Variants in SYNE1 observed in about 807,000 individuals in gnomAD.
SYNE1 encodes the protein nesprin-1.
A neutral mutation model predicts 1,111.0 loss-of-function variants in SYNE1; 616 were observed. The observed-to-expected ratio is 0.55, with a 90% CI of 0.52 to 0.59. The LOEUF is 0.59. SYNE1 is among the 20% of genes least tolerant of loss of function. The probability of loss-of-function intolerance (pLI) is 0.00; values close to 1 mark genes in which losing one functional copy is unlikely to be tolerated. For missense variants in SYNE1, 10,006 were observed against 10,417.0 expected, an observed-to-expected ratio of 0.96 and a Z score of 1.72; for synonymous variants, 3,855 against 3,825.8, an observed-to-expected ratio of 1.01 and a Z score of -0.28.
chr6:152,279,147 C>CTTTTTTTTTT (rs59520598), intron 97 of SYNE1, among the ~76,000 whole-genome samples: 347 of 112,368 alleles, frequency 3.1e-3, no homozygotes, highest in Middle Eastern at 5.6e-3. Context: ...CTTTTCTTTT[C>CTTTTTTTTTT]TTTTTTTTTT....
At position 152,450,758 on chromosome 6, in the gene SYNE1, G is replaced by A. The variant is rs2098641244; in HGVS notation, c.3262C>T (p.Leu1088Phe). 2.5e-6 allele frequency: 4 copies of A among 1,614,148 alleles called. No individual in the cohort carries two copies. Among genetic ancestry groups the A allele is most frequent in the East Asian group, 2.2e-5 (1 of 44,866 alleles). ...LQLIEELCVK[L>F]PVRDPVRDTP... is the part of the protein sequence containing the mutation. ...TCCCTTACTGGGTCCCGCACTGGGA[G>A]TTTCACACAGAGTTCCTCGATGAGC... Residue 1088 changes from leucine (L) to phenylalanine (F), a missense_variant, in exon 27 of 146, where the codon CTC becomes TTC. By Grantham distance (22) the Leu-to-Phe change is conservative. Transcript: ENST00000367255.
rs543402339 is a variant in SYNE1, at chr6:152,470,558, T to C, written c.1632+1039A>G. ...TTTTAGTAAATCTAGGGAAAGATTT[T>C]ACTGTAAAGCAGTTAAATCATTTTT... On this transcript the variant is annotated intron_variant, in intron 16 of 145. Coordinates refer to ENST00000367255, the MANE Select transcript of SYNE1 (RefSeq NM_182961.4). 2.6e-5 allele frequency among the ~76,000 whole-genome samples: 4 copies of C among 152,320 alleles called. No individual in the cohort carries two copies. In the South Asian group the frequency reaches 8.3e-4, roughly 32 times the overall value.
At chr6:152,177,902 T>G (rs2066885048) in intron 129 of SYNE1, among the ~76,000 whole-genome samples, 1 of 152,212 alleles carries the variant, frequency 6.6e-6, no homozygotes, top group African/African-American at 2.4e-5. Context: ...TTTTTATGAA[T>G]GGCCTTTTTC....
chr6:152,150,830 A>C (rs2060278192), intron 135 of SYNE1, among the ~76,000 whole-genome samples: 2 of 152,244 alleles, frequency 1.3e-5, no homozygotes, highest in Admixed American at 1.3e-4. Flanking sequence ...TGAAATCCCG[A>C]CATAGGAAAG....
intron 27 of SYNE1, 132 bp from the exon 28 acceptor site, chr6:152,449,773 G>C (rs1235980420): frequency 2.6e-6 from 2 of 766,734 alleles, no homozygotes; most frequent in Admixed American, 4.3e-5. Flanking sequence ...AACTTTTCTG[G>C]AAACTATTCT....
chr6:152,266,208 T>C (rs768702596), intron 100 of SYNE1, among the ~76,000 whole-genome samples: 27 of 152,134 alleles, frequency 1.8e-4, no homozygotes, highest in Non-Finnish European at 3.8e-4. Context: ...AAGAGTAACT[T>C]ACAGTTGTTT....
At chr6:152,368,811 G>T in intron 61 of SYNE1, 161 bp downstream of exon 61, 1 of 857,506 alleles carries the variant, frequency 1.2e-6, no homozygotes, top group Middle Eastern at 2.8e-4. Flanking sequence ...GATGAACTCA[G>T]ATTGCAAGGC....
chr6:152,142,882 A>G (rs1288456571), intron 138 of SYNE1, among the ~76,000 whole-genome samples: 2 of 152,210 alleles, frequency 1.3e-5, no homozygotes, highest in Non-Finnish European at 2.9e-5. Flanking sequence ...AGACTTGGGG[A>G]AATTCATTTT....
At chr6:152,125,181 C>T (rs2813561) in intron 145 of SYNE1, 307,072 of 1,469,922 alleles carry the variant, frequency 0.21, 33,192 homozygotes, top group African/African-American at 0.29. Flanking sequence ...AAATCCCTGC[C>T]CACCGCACTC....
At chr6:152,242,205 A>G in intron 107 of SYNE1, 35 bp downstream of exon 107, 2 of 1,561,022 alleles carry the variant, frequency 1.3e-6, no homozygotes, top group Non-Finnish European at 1.8e-6. Context: ...CTTTCCAATT[A>G]CATTTTCTCT....
chr6:152,396,920 G>A lies in SYNE1; in HGVS notation c.7411C>T (p.Gln2471Ter). 1 of 1,614,170 alleles carries A rather than the reference G, an allele frequency of 6.2e-7. No homozygotes were observed. The highest frequency in any genetic ancestry group is 8.5e-7 in the Non-Finnish European group (1 of 1,180,040). ...SKLDAVTQEG[Q>*]TLYAHLSKQI... ...TTAGACAAATGTGCATACAAAGTTTGTCCTTCTTGAGTCACTGCATCAAGT... is the reference window on the plus strand; with the variant it reads ...TTAGACAAATGTGCATACAAAGTTTATCCTTCTTGAGTCACTGCATCAAGT... The change falls in exon 50 of 146, where the codon CAA becomes TAA. Residue 2471 changes from glutamine to a stop codon, truncating the protein, a stop_gained. Transcript: ENST00000367255. LOFTEE classifies it high-confidence loss of function.
chr6:152,406,889 TAATAA>T (rs1031871864), intron 45 of SYNE1, 120 bp downstream of exon 45: 4 of 603,826 alleles, frequency 6.6e-6, no homozygotes, highest in African/African-American at 2.0e-5. Context: ...AATAATATAA[TAATAA>T]AATAAAATAA....
At chr6:152,364,798 T>C (rs1167126024) in intron 63 of SYNE1, 49 bp downstream of exon 63, 15 of 1,612,660 alleles carry the variant, frequency 9.3e-6, no homozygotes, top group Non-Finnish European at 1.3e-5. Context: ...AGTATTATAT[T>C]GATCTTTTAG....
chr6:152,361,560 C>T (rs1026044863), intron 64 of SYNE1, among the ~76,000 whole-genome samples: 4 of 151,946 alleles, frequency 2.6e-5, no homozygotes, highest in Non-Finnish European at 5.9e-5. Flanking sequence ...TACAAATGAG[C>T]AGGAATAGAG....
chr6:152,594,570 C>T (rs1333754348), intron 3 of SYNE1, among the ~76,000 whole-genome samples: 1 of 152,170 alleles, frequency 6.6e-6, no homozygotes, highest in African/African-American at 2.4e-5. Context: ...CAAGACCCAG[C>T]TTATAGGAAA....
Position 152,483,149 on chromosome 6 carries a change from A to G in SYNE1, c.1286T>C (p.Ile429Thr), listed in dbSNP as rs1346540516. The G allele has an allele frequency of 1.2e-6, 2 of 1,614,104 alleles. No individual in the cohort carries two copies. The highest frequency in any genetic ancestry group is 1.7e-6 in the Non-Finnish European group (2 of 1,180,028). Residue 429 changes from isoleucine (I) to threonine (T), a missense_variant, in exon 14 of 146, where the codon ATA becomes ACA. Around this residue, in one of 7 missense-constraint regions of SYNE1, gnomAD observed 1,971 missense variants for 2,084.1 expected, o/e 0.95. Coordinates refer to ENST00000367255, the MANE Select transcript of SYNE1 (RefSeq NM_182961.4). The stretch of plus-strand genomic sequence containing the variant: ...TTCCTCGTGGACCTGTTGAACGGTT[A>G]TTTCCTCTCTCAGGGCCACCTCCGC... ...YRAEVALREE[I>T]TVQQVHEETA...
At position 152,401,292 on chromosome 6, in the gene SYNE1, G is replaced by T; in HGVS notation, c.6875C>A (p.Thr2292Asn). The change falls in exon 47 of 146, where the codon ACT becomes AAT. Residue 2292 changes from threonine (T) to asparagine (N), a missense_variant. Physicochemically the swap from Thr to Asn is moderately conservative, Grantham distance 65. This residue lies in a region of SYNE1 where 4,955 missense variants were observed against 5,017.2 expected (regional missense o/e 0.99). Transcript: ENST00000367255. The part of the protein sequence containing the change: ...MQKLEHAKEI[T>N]EVAKGTLKDF... ...CTTCAGGGTTCCTTTTGCTACTTCA[G>T]TTATTTCTTTGGCATGCTCCAGTTT... is the stretch of plus-strand genomic sequence containing the variant. 1 of 1,614,010 alleles carries T rather than the reference G, an allele frequency of 6.2e-7. No individual in the cohort carries two copies. The highest frequency in any genetic ancestry group is 2.2e-5 in the East Asian group (1 of 44,876).
chr6:152,426,175 A>T (rs1246982808), intron 38 of SYNE1, among the ~76,000 whole-genome samples: 1 of 152,238 alleles, frequency 6.6e-6, no homozygotes, highest in African/African-American at 2.4e-5. Flanking sequence ...TAAAATATAA[A>T]CACTCCAATA....
At position 152,329,222 on chromosome 6, in the gene SYNE1, A is replaced by G. The variant is rs2096177033; in HGVS notation, c.14955+508T>C. ...AAACCACACAAAATGAATATCATGC[A>G]CATAAACAATTAAAATCACCTGGCC... On this transcript the variant is annotated intron_variant, in intron 78 of 145. Coordinates refer to ENST00000367255, the MANE Select transcript of SYNE1 (RefSeq NM_182961.4). Among the ~76,000 whole-genome samples the G allele has an allele frequency of 2.6e-5, 4 of 152,184 alleles. No homozygotes were observed. The South Asian group carries it at 8.3e-4, about 31-fold the overall frequency.
Sources: allele counts gnomAD v4.1 joint callset (sites outside exome capture counted in the v4.1 genomes callset), GRCh38; gene constraint gnomAD v4.1.1; regional missense constraint gnomAD v4.1.1; transcripts MANE v1.5; gene names NCBI Gene and HGNC (gene_info 2026-07-23, HGNC 2026-07-21).